The following C13orf46 variants were observed in gnomAD, a reference collection of about 807,000 sequenced individuals.
C13orf46 encodes uncharacterized protein C13orf46.
intron 1 of C13orf46, among the ~76,000 whole-genome samples, chr13:113,972,357 G>C (rs1238861205): frequency 6.6e-6 from 1 of 152,192 alleles, no homozygotes; most frequent in African/African-American, 2.4e-5. Flanking sequence ...ACTCAGAGAA[G>C]AACACATATT....
chr13:113,927,369 G>C, the C13orf46 span: 3 of 394,144 alleles, frequency 7.6e-6, no homozygotes, highest in Admixed American at 1.3e-4. Context: ...GCTGCAGCTG[G>C]GGCTGCTCTG....
the C13orf46 span, among the ~76,000 whole-genome samples, chr13:113,932,031 G>A: frequency 6.6e-5 from 10 of 152,096 alleles, no homozygotes; most frequent in East Asian, 3.9e-4. Flanking sequence ...GTAACACAGC[G>A]TGTATACTCT....
chr13:113,947,830 G>A, the C13orf46 span, among the ~76,000 whole-genome samples: 1 of 152,208 alleles, frequency 6.6e-6, no homozygotes, highest in Admixed American at 6.5e-5. Flanking sequence ...TCACTCAGGG[G>A]TCCACACCCA....
intron 6 of C13orf46, among the ~76,000 whole-genome samples, chr13:113,963,593 CCT>C (rs1491403841): frequency 2.8e-4 from 42 of 148,846 alleles, no homozygotes; most frequent in African/African-American, 8.1e-4. Context: ...AGCCTCGGCC[CCT>C]GTCCTCAGCC....
At chr13:113,945,293 C>T in the C13orf46 span, among the ~76,000 whole-genome samples, 1 of 152,124 alleles carries the variant, frequency 6.6e-6, no homozygotes, top group Admixed American at 6.5e-5. Flanking sequence ...CAGGTCTTCT[C>T]CCAGCACTTT....
At position 113,972,480 on chromosome 13, in the gene C13orf46, G is replaced by A. The variant is rs923245586; in HGVS notation, c.190+1328C>T. On this transcript the variant is annotated intron_variant, in intron 1 of 6. Coordinates refer to ENST00000636427, the MANE Select transcript of C13orf46 (RefSeq NM_001365455.2). ...TGGACACCTTTGCGAAGGGGAGGCG[G>A]AGCTGCCGAGGCCGCGGGAGGGGAG... is the stretch of plus-strand genomic sequence containing the variant. Among the ~76,000 whole-genome samples the A allele has an allele frequency of 2.0e-5, 3 of 152,288 alleles. No homozygotes were observed. In the South Asian group the frequency reaches 6.2e-4, roughly 32 times the overall value.
chr13:113,963,227 G>GCCTCAGCCCGTCCTCAGCCTT (rs2052602310), intron 6 of C13orf46, among the ~76,000 whole-genome samples: 5 of 128,950 alleles, frequency 3.9e-5, no homozygotes, highest in Non-Finnish European at 1.7e-5. Flanking sequence ...CCTCAGCCTC[G>GCCTCAGCCCGTCCTCAGCCTT]GCCCCTGTCC....
intron 1 of C13orf46, among the ~76,000 whole-genome samples, chr13:113,972,594 T>A (rs11618789): frequency 0.3 from 45,437 of 151,886 alleles, 7,618 homozygotes; most frequent in East Asian, 0.45. Flanking sequence ...TGCAGCACCA[T>A]CCCCAGGCCC....
intron 1 of C13orf46, among the ~76,000 whole-genome samples, 155 bp downstream of exon 1, chr13:113,973,653 G>A (rs2052732815): frequency 6.6e-6 from 1 of 152,190 alleles, no homozygotes. Flanking sequence ...GACACACGTC[G>A]TTGGACCTCC....
the C13orf46 span, among the ~76,000 whole-genome samples, chr13:113,945,605 GAAGAAAGAAAGAAAGA>G: frequency 0.014 from 1,299 of 93,722 alleles, 16 homozygotes; most frequent in African/African-American, 0.016. Flanking sequence ...AAGAAAGAAA[GAAGAAAGAAAGAAAGA>G]AAGAAAGAAA....
chr13:113,941,568 T>C, the C13orf46 span, among the ~76,000 whole-genome samples: 685 of 151,604 alleles, frequency 4.5e-3, 9 homozygotes, highest in East Asian at 0.05. Flanking sequence ...TCTGGGACTC[T>C]GTGTGTGAGG....
chr13:113,957,120 C>T (rs2052542233), intron 6 of C13orf46, among the ~76,000 whole-genome samples: 1 of 151,290 alleles, frequency 6.6e-6, no homozygotes, highest in African/African-American at 2.4e-5. Context: ...CATATGCATC[C>T]CCTTTTATCA....
chr13:113,956,334 TG>T lies in C13orf46; in HGVS notation c.*438del. On this transcript the variant is annotated 3_prime_UTR_variant, in exon 7 of 7. Transcript: ENST00000636427. ...GGTGGAGAGGAGGAGTAGTATCTGGTGGAGAGGAGTAGTATCTGGTGGAGAG... is the reference window on the plus strand; with the variant it reads ...GGTGGAGAGGAGGAGTAGTATCTGGTGAGAGGAGTAGTATCTGGTGGAGAG... 1.1e-5 allele frequency: 1 copy of T among 88,114 alleles called. No homozygotes were observed. The highest frequency in any genetic ancestry group is 3.2e-5 in the African/African-American group (1 of 30,824). 5.5% of individuals were successfully genotyped at this position (88,114 alleles called of 1,614,324 possible). A position where few individuals can be genotyped will look rare whatever the true frequency, so the allele number is the denominator to read the frequency against.
chr13:113,945,158 G>A, the C13orf46 span, among the ~76,000 whole-genome samples: 2 of 152,148 alleles, frequency 1.3e-5, no homozygotes, highest in Non-Finnish European at 2.9e-5. Context: ...CCAGTTGTGC[G>A]TGGGCCGTTC....
At chr13:113,935,009 T>A in the C13orf46 span, among the ~76,000 whole-genome samples, 1 of 152,234 alleles carries the variant, frequency 6.6e-6, no homozygotes, top group Non-Finnish European at 1.5e-5. Flanking sequence ...CCTGGCCTTC[T>A]TCCCTTCCAT....
In C13orf46 at chr13:113,955,836, G is replaced by A. The variant is rs2052525321; in HGVS notation, c.*937C>T. 6.1e-6 allele frequency: 1 copy of A among 162,816 alleles called. No individual in the cohort carries two copies. Among genetic ancestry groups the A allele is most frequent in the Admixed American group, 6.6e-5 (1 of 15,138 alleles). The allele number at this position is 162,816 out of a possible 1,614,324, so 10.1% of individuals were successfully genotyped here. Reference sequence around the variant, plus strand: ...GACGAGGAGCAGCCGGTGGAGACGAGGAGCATCTCGAGGAGAGGAGGAGCA... The same window carrying A: ...GACGAGGAGCAGCCGGTGGAGACGAAGAGCATCTCGAGGAGAGGAGGAGCA... On this transcript the variant is annotated 3_prime_UTR_variant, in exon 7 of 7. Coordinates refer to ENST00000636427, the MANE Select transcript of C13orf46 (RefSeq NM_001365455.2).
the C13orf46 span, among the ~76,000 whole-genome samples, chr13:113,939,775 G>A: frequency 1.3e-5 from 2 of 152,184 alleles, no homozygotes; most frequent in African/African-American, 4.8e-5. Context: ...TGACCTCTCT[G>A]GGCCCAGCGC....
chr13:113,929,880 G>T, the C13orf46 span, among the ~76,000 whole-genome samples: 1 of 152,244 alleles, frequency 6.6e-6, no homozygotes, highest in Non-Finnish European at 1.5e-5. Flanking sequence ...AGTTCTGCCC[G>T]AGGATCCCAG....
At chr13:113,960,735 T>C (rs1420624077) in intron 6 of C13orf46, among the ~76,000 whole-genome samples, 1 of 152,226 alleles carries the variant, frequency 6.6e-6, no homozygotes, top group Non-Finnish European at 1.5e-5. Context: ...GTTTCCTTGT[T>C]TACTGTCCTC....
Sources: gnomAD v4.1 joint callset for allele counts (sites outside exome capture counted in the v4.1 genomes callset) on GRCh38, gnomAD v4.1.1 for gene constraint, MANE v1.5 for transcripts, NCBI Gene and HGNC (gene_info 2026-07-23, HGNC 2026-07-21) for gene names.